RPAP1: variants seen among roughly 807,000 people sequenced by gnomAD.
The protein encoded by RPAP1 is RNA polymerase II associated protein 1.
RPAP1 carries 109 observed loss-of-function variants against 142.4 expected under a neutral mutation model. The ratio of observed to expected loss-of-function variants is 0.77; its 90% confidence interval spans 0.66 to 0.90. The LOEUF (loss-of-function observed/expected upper bound fraction) is 0.90. RPAP1 is among the 40% of genes least tolerant of loss of function. RPAP1 has a pLI of 0.00. For synonymous variants in RPAP1, 704 were observed against 738.9 expected, an observed-to-expected ratio of 0.95 and a Z score of 0.77; for missense variants, 1,546 against 1,751.7, an observed-to-expected ratio of 0.88 and a Z score of 2.10.
At chr15:41,523,122 C>T (rs1232565926) in intron 18 of RPAP1, 123 bp downstream of exon 18, 6 of 927,820 alleles carry the variant, frequency 6.5e-6, no homozygotes, top group East Asian at 2.8e-5. Context: ...GCTAGGGACT[C>T]GGGTTTCCCT....
rs536852631 is a variant in RPAP1, at chr15:41,527,262, C to T, written c.1651G>A (p.Val551Met). Residue 551 changes from valine (V) to methionine (M), a missense_variant, in exon 13 of 25, where the codon GTG (valine) becomes ATG (methionine). Coordinates refer to ENST00000304330, the MANE Select transcript of RPAP1 (RefSeq NM_015540.4). ...ATSLLPRLRY[V>M]LEVTYPGPAV... Reference sequence around the variant, plus strand: ...GGTCCTGGGTATGTCACCTCCAGCACGTAGCGCAGCCGAGGCAGCAGGCTG... The same window carrying T: ...GGTCCTGGGTATGTCACCTCCAGCATGTAGCGCAGCCGAGGCAGCAGGCTG... 3.7e-5 allele frequency: 59 copies of T among 1,614,102 alleles called. No homozygotes were observed. The highest frequency in any genetic ancestry group is 1.3e-4 in the South Asian group (12 of 91,092).
chr15:41,524,455 A>C, intron 15 of RPAP1, among the ~76,000 whole-genome samples: 1 of 146,940 alleles, frequency 6.8e-6, no homozygotes, highest in Admixed American at 6.8e-5. Flanking sequence ...TTTAAATGTG[A>C]TTTCACAGAT....
At position 41,527,925 on chromosome 15, in the gene RPAP1, C is replaced by G; in HGVS notation, c.1363G>C (p.Val455Leu). ...FLLRFSLDDR[V>L]DGVIATAIRA... ...ATGGCGGTTGCAATGACCCCATCCA[C>G]TCTGTCATCCAAGGAGAAGCGCAGT... Residue 455 changes from valine (V) to leucine (L), a missense_variant, in exon 11 of 25, where the codon GTG (valine) becomes CTG (leucine). Physicochemically the swap from Val to Leu is conservative, Grantham distance 32 (BLOSUM62 1). This residue lies in a region of RPAP1 where 1,333 missense variants were observed against 1,486.6 expected (regional missense o/e 0.90). Transcript: ENST00000304330. The G allele has an allele frequency of 6.2e-7, 1 of 1,614,038 alleles. No homozygotes were observed. Among genetic ancestry groups the G allele is most frequent in the Non-Finnish European group, 8.5e-7 (1 of 1,179,966 alleles).
chr15:41,535,258 C>A (rs903329590), intron 5 of RPAP1, among the ~76,000 whole-genome samples: 1 of 152,204 alleles, frequency 6.6e-6, no homozygotes, highest in African/African-American at 2.4e-5. Context: ...TCTTGGCCAA[C>A]ACATTTATTT....
intron 22 of RPAP1, chr15:41,519,745 T>G (rs2051704100): frequency 6.5e-6 from 1 of 153,180 alleles, no homozygotes; most frequent in African/African-American, 2.4e-5. Context: ...CAATCCCCAC[T>G]TCTTCCACAA....
Position 41,524,993 on chromosome 15 carries a change from G to A in RPAP1, c.2073C>T (p.Tyr691=). ...AASYGQGGYL[Y]RELYPVLMRA... ...GCCTACCCCCTGCCTCTCCTCACCT[G>A]TAAAGGTAACCGCCCTGGCCATAGG... The change falls in exon 15 of 25, where the codon TAC becomes TAT. Residue 691 remains tyrosine, a splice_region_variant and synonymous_variant. Coordinates refer to ENST00000304330, the MANE Select transcript of RPAP1 (RefSeq NM_015540.4). 6.2e-7 allele frequency: 1 copy of A among 1,613,220 alleles called. No homozygotes were observed. Among genetic ancestry groups the A allele is most frequent in the Non-Finnish European group, 8.5e-7 (1 of 1,179,706 alleles).
At chr15:41,534,979 G>A in intron 5 of RPAP1, 44 bp from the exon 6 acceptor site, 1 of 1,578,552 alleles carries the variant, frequency 6.3e-7, no homozygotes, top group Non-Finnish European at 8.7e-7. Flanking sequence ...GTCCTCCAGG[G>A]CTCTAACTGG....
Position 41,527,926 on chromosome 15 carries a change from T to G in RPAP1, c.1362A>C (p.Arg454Ser). 6.2e-7 allele frequency: 1 copy of G among 1,613,996 alleles called. No homozygotes were observed. The highest frequency in any genetic ancestry group is 8.5e-7 in the Non-Finnish European group (1 of 1,179,962). ...LFLLRFSLDD[R>S]VDGVIATAIR... ...TGGCGGTTGCAATGACCCCATCCACTCTGTCATCCAAGGAGAAGCGCAGTA... is the reference window on the plus strand; with the variant it reads ...TGGCGGTTGCAATGACCCCATCCACGCTGTCATCCAAGGAGAAGCGCAGTA... The change falls in exon 11 of 25, where the codon AGA becomes AGC. Residue 454 changes from arginine to serine, a missense_variant. Arg to Ser is a moderately radical substitution (Grantham distance 110). Transcript: ENST00000304330.
Position 41,522,916 on chromosome 15 carries a change from A to C in RPAP1, c.2591T>G (p.Leu864Arg). ...TGACACGAGGCTGGGGGGAGCTTCA[A>C]GGGCTGGCACACAGGACAGCGGGTT... The part of the protein sequence containing the change: ...LCNPLSCVPA[L>R]EAPPSLVSLG... The change falls in exon 19 of 25, where the codon CTT becomes CGT. Residue 864 changes from leucine (L) to arginine (R), a missense_variant. This residue lies in a region of RPAP1 where 1,333 missense variants were observed against 1,486.6 expected (regional missense o/e 0.90). Coordinates refer to ENST00000304330, the MANE Select transcript of RPAP1 (RefSeq NM_015540.4). 6.4e-7 allele frequency: 1 copy of C among 1,565,882 alleles called. No individual in the cohort carries two copies. The highest frequency in any genetic ancestry group is 1.2e-5 in the South Asian group (1 of 82,944).
chr15:41,521,244 G>A, intron 21 of RPAP1, 97 bp from the exon 22 acceptor site: 1 of 1,223,814 alleles, frequency 8.2e-7, no homozygotes, highest in Non-Finnish European at 1.1e-6. Context: ...CCTAGGTCCA[G>A]ACCTGTGCCT....
chr15:41,520,271 C>T, intron 22 of RPAP1, 120 bp downstream of exon 22: 1 of 1,138,318 alleles, frequency 8.8e-7, no homozygotes, highest in Non-Finnish European at 1.3e-6. Context: ...TTAATCCCCT[C>T]AAAGCCCCCA....
At position 41,517,394 on chromosome 15, in the gene RPAP1, C is replaced by T. The variant is rs572975321; in HGVS notation, c.*148G>A. The T allele has an allele frequency of 1.2e-4, 84 of 713,514 alleles. 1 individual carries two copies. In the East Asian group the frequency reaches 1.6e-3, roughly 14 times the overall value. The allele number at this position is 713,514 out of a possible 1,614,324, so 44.2% of individuals were successfully genotyped here. ...GGTAGGGCTCACTGCTCTAAAACAG[C>T]TCAAACAACCTGCTCCCAGGAAGGC... On this transcript the variant is annotated 3_prime_UTR_variant, in exon 25 of 25. Transcript: ENST00000304330.
At position 41,527,873 on chromosome 15, in the gene RPAP1, G is replaced by A; in HGVS notation, c.1415C>T (p.Ala472Val). 1 of 1,614,052 alleles carries A rather than the reference G, an allele frequency of 6.2e-7. No individual in the cohort carries two copies. The highest frequency in any genetic ancestry group is 2.2e-5 in the East Asian group (1 of 44,872). Residue 472 changes from alanine (A) to valine (V), a missense_variant, in exon 11 of 25, where the codon GCT (alanine) becomes GTT (valine). By Grantham distance (64) the Ala-to-Val change is moderately conservative (BLOSUM62 0). Around this residue, in one of 3 missense-constraint regions of RPAP1, gnomAD observed 1,333 missense variants for 1,486.6 expected, o/e 0.90. Coordinates refer to ENST00000304330, the MANE Select transcript of RPAP1 (RefSeq NM_015540.4). Reference sequence around the variant, plus strand: ...TCCCTGTGGTACCTCATCTCCAGGAGCCACCAGCAGAGCCCGAAGAGCACG... The same window carrying A: ...TCCCTGTGGTACCTCATCTCCAGGAACCACCAGCAGAGCCCGAAGAGCACG... ...AIRALRALLV[A>V]PGDEELLDST...
chr15:41,526,860 C>G (rs748945661), intron 14 of RPAP1, 38 bp downstream of exon 14: 6 of 1,564,858 alleles, frequency 3.8e-6, no homozygotes, highest in Non-Finnish European at 4.3e-6. Flanking sequence ...AACCCTGTCC[C>G]ATGCATTCCC....
chr15:41,520,390 C>T lies in RPAP1; in HGVS notation c.3795+1G>A. 1 of 1,613,418 alleles carries T rather than the reference C, an allele frequency of 6.2e-7. No homozygotes were observed. The highest frequency in any genetic ancestry group is 8.5e-7 in the Non-Finnish European group (1 of 1,179,672). ...CAGGTCCTGCTGGGCTGAGAAAGTACCTGGGTCAGAGGCAGGCTCAGAGCT... is the reference window on the plus strand; with the variant it reads ...CAGGTCCTGCTGGGCTGAGAAAGTATCTGGGTCAGAGGCAGGCTCAGAGCT... On this transcript the variant is annotated splice_donor_variant, in intron 22 of 24. Coordinates refer to ENST00000304330, the MANE Select transcript of RPAP1 (RefSeq NM_015540.4). LOFTEE classifies it high-confidence loss of function.
Position 41,527,480 on chromosome 15 carries a change from T to C in RPAP1, c.1554A>G (p.Lys518=). The part of the protein sequence containing the change: ...EECPAGKAKR[K]SPEEESRPPP... ...GAGGCCGGCTTTCTTCTTCAGGGCT[T>C]TTCCTTTTTGCTTTTCCTGCTGGGC... Residue 518 remains lysine, a synonymous_variant, in exon 12 of 25, where the codon AAA becomes AAG. Transcript: ENST00000304330. The C allele has an allele frequency of 6.2e-7, 1 of 1,614,194 alleles. No individual in the cohort carries two copies. Among genetic ancestry groups the C allele is most frequent in the Non-Finnish European group, 8.5e-7 (1 of 1,180,040 alleles).
At chr15:41,541,376 TTA>T in intron 1 of RPAP1, among the ~76,000 whole-genome samples, 1 of 147,690 alleles carries the variant, frequency 6.8e-6, no homozygotes, top group East Asian at 2.0e-4. Context: ...TGAGCCAAGA[TTA>T]CACCACTGCC....
In RPAP1 at chr15:41,520,573, T is replaced by G. The variant is rs146768299; in HGVS notation, c.3613A>C (p.Thr1205Pro). 6.2e-7 allele frequency: 1 copy of G among 1,614,096 alleles called. No individual in the cohort carries two copies. The highest frequency in any genetic ancestry group is 1.7e-5 in the Admixed American group (1 of 60,018). Residue 1205 changes from threonine (T) to proline (P), a missense_variant, in exon 22 of 25, where the codon ACG (threonine) becomes CCG (proline). By Grantham distance (38) the Thr-to-Pro change is conservative (BLOSUM62 -1). Transcript: ENST00000304330. ...LNLDCRLPGL[T>P]SFPDLYANFL... is the part of the protein sequence containing the mutation. ...TTGGCATAGAGGTCAGGGAAAGACG[T>G]CAGGCCAGGGAGTCGGCAGTCCAGG... is the stretch of plus-strand genomic sequence containing the variant.
rs1472224679 is a variant in RPAP1, at chr15:41,520,594, C to G, written c.3592G>C (p.Asp1198His). ...GACGTCAGGCCAGGGAGTCGGCAGT[C>G]CAGGTTGAGGTTTGGCAAGACTTGA... ...QPQVLPNLNL[D>H]CRLPGLTSFP... Residue 1198 changes from aspartate to histidine, a missense_variant, in exon 22 of 25, where the codon GAC (aspartate) becomes CAC (histidine). Transcript: ENST00000304330. 6.2e-7 allele frequency: 1 copy of G among 1,614,192 alleles called. No homozygotes were observed. Among genetic ancestry groups the G allele is most frequent in the Admixed American group, 1.7e-5 (1 of 60,016 alleles).
Sources: gnomAD v4.1 joint callset for allele counts (sites outside exome capture counted in the v4.1 genomes callset) on GRCh38, gnomAD v4.1.1 for gene constraint, gnomAD v4.1.1 regional missense constraint, MANE v1.5 for transcripts, NCBI Gene and HGNC (gene_info 2026-07-23, HGNC 2026-07-21) for gene names.